The following BRSK2 variants were observed in gnomAD, a reference collection of about 807,000 sequenced individuals.
BRSK2 encodes the protein BR serine/threonine kinase 2.
Under a neutral mutation model 83.3 loss-of-function variants are expected in BRSK2, and 19 were observed. That is an observed-to-expected ratio of 0.23 (90% confidence interval 0.16 to 0.33). The LOEUF (loss-of-function observed/expected upper bound fraction) is 0.33. Among genes scored for constraint, BRSK2 ranks in the 10% least tolerant of loss-of-function variants. The pLI is 1.00. For missense variants in BRSK2, 798 were observed against 1,042.3 expected, an observed-to-expected ratio of 0.77 and a Z score of 3.23; for synonymous variants, 519 against 435.4, an observed-to-expected ratio of 1.19 and a Z score of -2.39.
chr11:1,411,063 G>T, intron 1 of BRSK2: 1 of 1,110,932 alleles, frequency 9.0e-7, no homozygotes, highest in Non-Finnish European at 1.1e-6. Flanking sequence ...TGGAGATTTG[G>T]CAGGAAGGAG....
At chr11:1,393,718 G>A (rs1845873169) in intron 1 of BRSK2, among the ~76,000 whole-genome samples, 1 of 152,162 alleles carries the variant, frequency 6.6e-6, no homozygotes, top group Non-Finnish European at 1.5e-5. Context: ...GGGAGAGCCT[G>A]TGCCTGGGAG....
In BRSK2 at chr11:1,436,651, C is replaced by T. The variant is rs139785218; in HGVS notation, c.186+517C>T. ...GACCCACCTCTCAGTGGGGAGGGGG[C>T]GGCCCCGGCTGCTGGGAAGCCTGAC... On this transcript the variant is annotated intron_variant, in intron 2 of 19. Coordinates refer to ENST00000528841, the MANE Select transcript of BRSK2 (RefSeq NM_001256627.2). 2.8e-4 allele frequency among the ~76,000 whole-genome samples: 42 copies of T among 152,200 alleles called. 1 individual carries two copies. In the East Asian group the frequency reaches 7.6e-3, roughly 27 times the overall value.
intron 1 of BRSK2, among the ~76,000 whole-genome samples, chr11:1,405,439 G>A (rs547755514): frequency 6.6e-6 from 1 of 152,194 alleles, no homozygotes; most frequent in East Asian, 1.9e-4. Flanking sequence ...GATGGCTGGG[G>A]GAGCTGGTGG....
rs373896807 is a variant in BRSK2 at position 1,449,764 on chromosome 11, T to C, written c.1227-12T>C. Reference sequence around the variant, plus strand: ...CTGGCTGAGCAGTGGCCCTGTACCTTGTGACCTCCAGGTCTCGGTCCATCA... The same window carrying C: ...CTGGCTGAGCAGTGGCCCTGTACCTCGTGACCTCCAGGTCTCGGTCCATCA... On this transcript the variant is annotated splice_polypyrimidine_tract_variant and intron_variant, in intron 12 of 19. Coordinates refer to ENST00000528841, the MANE Select transcript of BRSK2 (RefSeq NM_001256627.2). The C allele has an allele frequency of 1.2e-6, 2 of 1,611,214 alleles. No individual in the cohort carries two copies. The highest frequency in any genetic ancestry group is 8.5e-7 in the Non-Finnish European group (1 of 1,178,964).
Position 1,461,064 on chromosome 11 carries a change from G to C in BRSK2, c.*341G>C. The C allele has an allele frequency of 6.3e-7, 1 of 1,596,856 alleles. No individual in the cohort carries two copies. The highest frequency in any genetic ancestry group is 2.2e-5 in the East Asian group (1 of 44,594). On this transcript the variant is annotated 3_prime_UTR_variant, in exon 20 of 20. Transcript: ENST00000528841. ...GACCCGCCCTCCCTCCGCTCCTGCT[G>C]TTGCTGCCGGGCAGTGAGGCCCAGC...
chr11:1,436,919 C>T (rs1850387315), intron 2 of BRSK2, among the ~76,000 whole-genome samples: 1 of 151,398 alleles, frequency 6.6e-6, no homozygotes. Flanking sequence ...GGGACTGTGA[C>T]ATGTTGGGCA....
chr11:1,447,916 C>T (rs1345794220), intron 12 of BRSK2: 2 of 1,521,544 alleles, frequency 1.3e-6, no homozygotes, highest in African/African-American at 1.4e-5. Flanking sequence ...ACACGCTGTC[C>T]TGCCTCAGGC....
chr11:1,451,333 T>G, intron 14 of BRSK2, 38 bp from the exon 15 acceptor site: 2 of 1,612,090 alleles, frequency 1.2e-6, no homozygotes, highest in Non-Finnish European at 1.7e-6. Context: ...GATGGAGCGG[T>G]CACCACGCCT....
At chr11:1,419,148 CG>C (rs56113617) in intron 1 of BRSK2, among the ~76,000 whole-genome samples, 2 of 102,842 alleles carry the variant, frequency 1.9e-5, no homozygotes, top group Admixed American at 2.0e-4. Flanking sequence ...GCACTGGTGG[CG>C]GGGGGGGCCT....
intron 15 of BRSK2, among the ~76,000 whole-genome samples, chr11:1,451,889 A>C (rs753571032): frequency 6.6e-6 from 1 of 151,822 alleles, no homozygotes; most frequent in African/African-American, 2.4e-5. Context: ...CACTGCAGAG[A>C]CTCTACAGCG....
At chr11:1,446,623 G>A (rs1048262760) in intron 12 of BRSK2, among the ~76,000 whole-genome samples, 5 of 152,202 alleles carry the variant, frequency 3.3e-5, no homozygotes, top group South Asian at 2.1e-4. Context: ...GAGCAGACCC[G>A]TGGCCGGAGG....
At chr11:1,442,745 T>C (rs1851516872) in intron 5 of BRSK2, 139 bp downstream of exon 5, 1 of 707,130 alleles carries the variant, frequency 1.4e-6, no homozygotes, top group African/African-American at 1.8e-5. Context: ...TGCCTGAGCC[T>C]CCCAGTACCC....
chr11:1,455,124 G>C (rs1255106374), intron 16 of BRSK2, among the ~76,000 whole-genome samples: 2 of 152,170 alleles, frequency 1.3e-5, no homozygotes, highest in Non-Finnish European at 2.9e-5. Flanking sequence ...GGGGTCTTGG[G>C]TGGGCTTCAT....
intron 12 of BRSK2, among the ~76,000 whole-genome samples, chr11:1,448,404 C>G (rs1262755455): frequency 6.6e-6 from 1 of 152,176 alleles, no homozygotes; most frequent in South Asian, 2.1e-4. Flanking sequence ...CTACCTGGGA[C>G]CCTCACCTGT....
chr11:1,437,277 T>G (rs1366170824), intron 2 of BRSK2, among the ~76,000 whole-genome samples: 2 of 152,044 alleles, frequency 1.3e-5, no homozygotes, highest in Non-Finnish European at 2.9e-5. Flanking sequence ...GGGAAGGACT[T>G]GGGGACAGGC....
intron 12 of BRSK2, among the ~76,000 whole-genome samples, chr11:1,446,690 G>A (rs755683924): frequency 6.6e-6 from 1 of 152,242 alleles, no homozygotes; most frequent in Admixed American, 6.5e-5. Flanking sequence ...TGGGCTGCCC[G>A]CACGAGGCCC....
intron 16 of BRSK2, among the ~76,000 whole-genome samples, chr11:1,455,815 G>C (rs556827377): frequency 2.0e-5 from 3 of 152,122 alleles, no homozygotes; most frequent in African/African-American, 7.2e-5. Flanking sequence ...GGGTGGCCCT[G>C]AGTTCTGCTT....
In BRSK2 at chr11:1,461,341, G is replaced by A. The variant is rs914629179; in HGVS notation, c.*618G>A. On this transcript the variant is annotated 3_prime_UTR_variant, in exon 20 of 20. Transcript: ENST00000528841. ...AGGCCTCCTCGCAGGCCCGTGCCCC[G>A]CCTCCCTGGCTGCGCCGCCTCCGTG... 12 of 372,176 alleles carry A rather than the reference G, an allele frequency of 3.2e-5. No individual in the cohort carries two copies. Among genetic ancestry groups the A allele is most frequent in the Admixed American group, 2.9e-4 (6 of 20,350 alleles). 23.1% of individuals were successfully genotyped at this position (372,176 alleles called of 1,614,324 possible).
intron 1 of BRSK2, among the ~76,000 whole-genome samples, chr11:1,429,130 G>A (rs1300395441): frequency 6.7e-6 from 1 of 148,576 alleles, no homozygotes; most frequent in Non-Finnish European, 1.5e-5. Flanking sequence ...TGTGCACTGG[G>A]TGTGTGTGCA....
Sources: gnomAD v4.1 joint callset for allele counts (sites outside exome capture counted in the v4.1 genomes callset) on GRCh38, gnomAD v4.1.1 for gene constraint, MANE v1.5 for transcripts, NCBI Gene and HGNC (gene_info 2026-07-23, HGNC 2026-07-21) for gene names.